Variants in EPM2A observed in about 807,000 individuals in gnomAD.
The protein encoded by EPM2A is EPM2A glucan phosphatase, laforin.
Under a neutral mutation model 26.5 loss-of-function variants are expected in EPM2A, and 21 were observed. The ratio of observed to expected loss-of-function variants is 0.79; its 90% confidence interval spans 0.56 to 1.14. EPM2A has a LOEUF of 1.14. EPM2A is among the 50% of genes most tolerant of loss of function. EPM2A has a pLI of 0.00. For missense variants in EPM2A, 458 were observed against 440.8 expected (o/e 1.04, Z -0.35); for synonymous variants, 217 against 177.6 (o/e 1.22, Z -1.76).
In EPM2A at chr6:145,392,655, T is replaced by C. The variant is rs150846254; in HGVS notation, c.556-8558A>G. ...TCTAAAACTGATCTTGTGACTATTATCAAGGACTTCCCTAACCCTAAAACA... is the reference window on the plus strand; with the variant it reads ...TCTAAAACTGATCTTGTGACTATTACCAAGGACTTCCCTAACCCTAAAACA... On this transcript the variant is annotated intron_variant, in intron 4 of 4. Transcript: ENST00000638717. 2.2e-3 allele frequency among the ~76,000 whole-genome samples: 330 copies of C among 152,228 alleles called. 3 individuals are homozygous for C. The highest frequency in any genetic ancestry group is 7.4e-3 in the African/African-American group (306 of 41,546).
chr6:145,511,701 T>C (rs1263634457), intron 2 of EPM2A, among the ~76,000 whole-genome samples: 1 of 151,626 alleles, frequency 6.6e-6, no homozygotes, highest in African/African-American at 2.4e-5. Context: ...AGAAGTGAGA[T>C]GAGACAAAGA....
chr6:145,725,162 G>T (rs974313601), intron 1 of EPM2A, among the ~76,000 whole-genome samples: 2 of 151,838 alleles, frequency 1.3e-5, no homozygotes, highest in African/African-American at 4.8e-5. Context: ...GACACCCAAA[G>T]AATATATACA....
chr6:145,721,600 C>T (rs1199112363), intron 1 of EPM2A: 1 of 152,218 alleles, frequency 6.6e-6, no homozygotes, highest in East Asian at 1.9e-4. Flanking sequence ...GCTCTTATCT[C>T]ATTGAACTAT....
chr6:145,641,448 T>G (rs1353278738), intron 2 of EPM2A, among the ~76,000 whole-genome samples: 6 of 152,210 alleles, frequency 3.9e-5, no homozygotes, highest in Non-Finnish European at 7.3e-5. Flanking sequence ...CACCTTGATC[T>G]CAGACTTTCA....
intron 4 of EPM2A, among the ~76,000 whole-genome samples, chr6:145,473,214 T>A (rs796933958): frequency 6.6e-5 from 10 of 151,380 alleles, no homozygotes; most frequent in African/African-American, 2.2e-4. Context: ...ATTGAAGTAA[T>A]GAAAAAAAAT....
At chr6:145,559,750 A>T (rs987032970) in intron 2 of EPM2A, among the ~76,000 whole-genome samples, 2 of 150,654 alleles carry the variant, frequency 1.3e-5, no homozygotes, top group Non-Finnish European at 2.9e-5. Context: ...ATTGATACCA[A>T]CTTTGTAAGA....
intron 4 of EPM2A, among the ~76,000 whole-genome samples, chr6:145,391,212 G>T (rs1219167580): frequency 6.6e-6 from 1 of 152,040 alleles, no homozygotes; most frequent in Non-Finnish European, 1.5e-5. Context: ...TTTCCTAAGG[G>T]TTAAACAGAA....
At chr6:145,452,612 CAGGGAGG>C (rs1366337700) in intron 4 of EPM2A, among the ~76,000 whole-genome samples, 1 of 145,532 alleles carries the variant, frequency 6.9e-6, no homozygotes, top group Non-Finnish European at 1.5e-5. Flanking sequence ...ACGGAGCTTG[CAGGGAGG>C]CGGAGCTTGC....
intron 4 of EPM2A, among the ~76,000 whole-genome samples, chr6:145,437,059 C>T (rs1778998299): frequency 6.6e-6 from 1 of 151,974 alleles, no homozygotes; most frequent in Admixed American, 6.6e-5. Flanking sequence ...CTTTATGTCC[C>T]CACCCAAATT....
chr6:145,648,854 C>A (rs1777674801), intron 2 of EPM2A, among the ~76,000 whole-genome samples: 1 of 152,108 alleles, frequency 6.6e-6, no homozygotes, highest in Non-Finnish European at 1.5e-5. Context: ...AAAATTCTAC[C>A]TTTAAATATC....
chr6:145,691,113 T>G (rs1381129921), intron 1 of EPM2A, among the ~76,000 whole-genome samples: 1 of 152,058 alleles, frequency 6.6e-6, no homozygotes, highest in African/African-American at 2.4e-5. Context: ...GCCGGAAAAC[T>G]TTTCAAATTT....
chr6:145,729,880 T>C (rs1776397340), intron 1 of EPM2A, among the ~76,000 whole-genome samples: 1 of 152,226 alleles, frequency 6.6e-6, no homozygotes, highest in African/African-American at 2.4e-5. Context: ...CATGTCTGAA[T>C]TATAATTCCT....
intron 4 of EPM2A, among the ~76,000 whole-genome samples, chr6:145,454,537 G>A (rs1257833689): frequency 6.6e-6 from 1 of 152,132 alleles, no homozygotes; most frequent in African/African-American, 2.4e-5. Context: ...TAAAAGTGAG[G>A]ATTAGAACTA....
intron 4 of EPM2A, among the ~76,000 whole-genome samples, chr6:145,474,030 G>A (rs1476085145): frequency 6.6e-6 from 1 of 152,142 alleles, no homozygotes; most frequent in African/African-American, 2.4e-5. Context: ...TTATAACACT[G>A]TACCTGCAAT....
intron 2 of EPM2A, among the ~76,000 whole-genome samples, chr6:145,604,020 G>A (rs1171802226): frequency 1.3e-5 from 2 of 151,974 alleles, no homozygotes; most frequent in Admixed American, 6.5e-5. Context: ...GAAAACAAAA[G>A]GCCTTTGGGG....
chr6:145,432,440 T>C (rs185778022), intron 4 of EPM2A, among the ~76,000 whole-genome samples: 2 of 152,204 alleles, frequency 1.3e-5, no homozygotes, highest in Admixed American at 1.3e-4. Flanking sequence ...AATTTCCTTT[T>C]ACATTTTCAT....
chr6:145,616,418 G>C (rs1775513433), intron 2 of EPM2A, among the ~76,000 whole-genome samples: 1 of 152,368 alleles, frequency 6.6e-6, no homozygotes, highest in South Asian at 2.1e-4. Flanking sequence ...TGCTGCAGGG[G>C]CAGGGCTCTC....
At chr6:145,487,420 T>C (rs1022099726) in intron 4 of EPM2A, among the ~76,000 whole-genome samples, 1 of 152,228 alleles carries the variant, frequency 6.6e-6, no homozygotes, top group African/African-American at 2.4e-5. Flanking sequence ...ATCGCCACAC[T>C]GTCATCCACA....
At chr6:145,599,670 T>C (rs1311902691) in intron 2 of EPM2A, among the ~76,000 whole-genome samples, 1 of 152,008 alleles carries the variant, frequency 6.6e-6, no homozygotes, top group African/African-American at 2.4e-5. Flanking sequence ...ACATCCTTAG[T>C]TATTTGCATA....
Sources: gnomAD v4.1 joint callset for allele counts (sites outside exome capture counted in the v4.1 genomes callset) on GRCh38, gnomAD v4.1.1 for gene constraint, MANE v1.5 for transcripts, NCBI Gene and HGNC (gene_info 2026-07-23, HGNC 2026-07-21) for gene names.